Variants in DCAF6 observed in about 807,000 individuals in gnomAD.
The protein encoded by DCAF6 is DDB1 and CUL4 associated factor 6.
DCAF6 carries 54 observed loss-of-function variants against 125.1 expected under a neutral mutation model. The observed-to-expected ratio is 0.43, with a 90% CI of 0.35 to 0.54. The LOEUF (loss-of-function observed/expected upper bound fraction) is 0.54, where lower values mean the gene tolerates loss of function less well. Among genes scored for constraint, DCAF6 ranks in the 20% least tolerant of loss-of-function variants. The pLI is 0.01. For synonymous variants in DCAF6, 371 were observed against 390.4 expected, an observed-to-expected ratio of 0.95 and a Z score of 0.58; for missense variants, 934 against 1,161.7, an observed-to-expected ratio of 0.80 and a Z score of 2.85.
rs1671298149 is a variant in DCAF6 at position 167,936,816 on chromosome 1, G to C, written c.-96G>C. ...GCCCTGGAGGCCCGGCGCGCGGATG[G>C]TGCCGGTGCGGCTCGGGTGTTGAAA... On this transcript the variant is annotated 5_prime_UTR_variant, in exon 1 of 22. Coordinates refer to ENST00000367840, the MANE Select transcript of DCAF6 (RefSeq NM_001198956.2). The C allele has an allele frequency of 8.7e-7, 1 of 1,146,356 alleles. No homozygotes were observed. The highest frequency in any genetic ancestry group is 1.3e-6 in the Non-Finnish European group (1 of 790,438). 71.0% of individuals were successfully genotyped at this position (1,146,356 alleles called of 1,614,324 possible). A position where few individuals can be genotyped will look rare whatever the true frequency, so the allele number is the denominator to read the frequency against.
In DCAF6 at chr1:168,047,262, A is replaced by C. The variant is rs528454411; in HGVS notation, c.2258+2035A>C. Among the ~76,000 whole-genome samples, 3 of 152,192 alleles carry C rather than the reference A, an allele frequency of 2.0e-5. No homozygotes were observed. In the South Asian group the frequency reaches 6.2e-4, roughly 32 times the overall value. On this transcript the variant is annotated intron_variant, in intron 16 of 21. Coordinates refer to ENST00000367840, the MANE Select transcript of DCAF6 (RefSeq NM_001198956.2). Reference sequence around the variant, plus strand: ...CTTTTAGCATTTAGATCTGTCACAAAGTTGGTTCCCAATAGCCTCATTGAC... The same window carrying C: ...CTTTTAGCATTTAGATCTGTCACAACGTTGGTTCCCAATAGCCTCATTGAC...
At chr1:167,970,613 G>A (rs188787597) in intron 3 of DCAF6, among the ~76,000 whole-genome samples, 34 of 149,930 alleles carry the variant, frequency 2.3e-4, no homozygotes, top group Admixed American at 2.2e-3. Flanking sequence ...ATGACAGCAA[G>A]AGCTGATATC....
chr1:168,050,882 C>T lies in DCAF6; in HGVS notation c.2259-10C>T. 1 of 1,344,190 alleles carries T rather than the reference C, an allele frequency of 7.4e-7. No homozygotes were observed. Among genetic ancestry groups the T allele is most frequent in the Non-Finnish European group, 9.8e-7 (1 of 1,018,822 alleles). The allele number at this position is 1,344,190 out of a possible 1,614,324, so 83.3% of individuals were successfully genotyped here. ...GTAAGTGATTTCAGTTATTGTGTTC[C>T]CTTCACTAGATTTAATATCAGAGGA... is the stretch of plus-strand genomic sequence containing the variant. On this transcript the variant is annotated splice_polypyrimidine_tract_variant and intron_variant, in intron 16 of 21. Transcript: ENST00000367840.
At chr1:168,032,602 CCTTA>C (rs1423009212) in intron 12 of DCAF6, among the ~76,000 whole-genome samples, 8 of 152,180 alleles carry the variant, frequency 5.3e-5, no homozygotes, top group Middle Eastern at 3.4e-3. Flanking sequence ...TTTATTTCGA[CCTTA>C]CTTTGGTTTT....
chr1:167,964,767 A>T (rs904478717), intron 2 of DCAF6, among the ~76,000 whole-genome samples: 1 of 151,806 alleles, frequency 6.6e-6, no homozygotes, highest in Admixed American at 6.6e-5. Context: ...TCAGTTTTGT[A>T]CGTTTTTATT....
At chr1:167,934,690 A>T (rs1671017735), upstream of DCAF6, among the ~76,000 whole-genome samples, 1 of 152,204 alleles carries the variant, frequency 6.6e-6, no homozygotes, top group South Asian at 2.1e-4. Flanking sequence ...TTTCCTAATG[A>T]TACCAACTAC....
chr1:167,877,617 A>G, the DCAF6 span, among the ~76,000 whole-genome samples: 1 of 152,218 alleles, frequency 6.6e-6, no homozygotes, highest in African/African-American at 2.4e-5. Context: ...ACAGTGTAAC[A>G]AGTGAAAACT....
chr1:167,904,153 T>C, the DCAF6 span, among the ~76,000 whole-genome samples: 1 of 149,104 alleles, frequency 6.7e-6, no homozygotes, highest in East Asian at 2.0e-4. Context: ...AATGGTGTGA[T>C]CTCAGCTCAC....
intron 18 of DCAF6, chr1:168,063,996 A>G (rs1303122342): frequency 3.2e-6 from 1 of 315,038 alleles, no homozygotes; most frequent in African/African-American, 2.2e-5. Context: ...TTTAGTTTAT[A>G]CAAGTAATCA....
chr1:168,065,563 T>C (rs1166002416), intron 18 of DCAF6, 27 bp from the exon 19 acceptor site: 1 of 1,464,530 alleles, frequency 6.8e-7, no homozygotes, highest in Non-Finnish European at 9.2e-7. Flanking sequence ...TGATTTGAAT[T>C]TTTAAATAAT....
the DCAF6 span, among the ~76,000 whole-genome samples, chr1:167,897,915 A>G: frequency 1 from 3,142 of 3,142 alleles, 1,571 homozygotes; most frequent in Non-Finnish European, 1. Flanking sequence ...GGAATGGCGT[A>G]AACCCGGGAG....
intron 1 of DCAF6, among the ~76,000 whole-genome samples, chr1:167,943,794 G>C (rs1178819735): frequency 1.3e-5 from 2 of 152,116 alleles, no homozygotes; most frequent in East Asian, 3.9e-4. Flanking sequence ...TTTAACCTAA[G>C]ATAATGACCT....
chr1:167,959,170 C>T (rs1557892578), intron 2 of DCAF6, among the ~76,000 whole-genome samples: 1 of 152,208 alleles, frequency 6.6e-6, no homozygotes, highest in East Asian at 1.9e-4. Flanking sequence ...TTTCACTTAG[C>T]AATATACATT....
the DCAF6 span, chr1:167,875,326 C>G: frequency 1.2e-6 from 1 of 812,878 alleles, no homozygotes; most frequent in Admixed American, 2.0e-5. Context: ...GGGTCGCAAA[C>G]GCCAAAAGAA....
intron 4 of DCAF6, among the ~76,000 whole-genome samples, chr1:167,981,944 TC>T (rs1679228679): frequency 6.6e-6 from 1 of 152,362 alleles, no homozygotes. Context: ...TTGAGAAATC[TC>T]CAAATTGTTT....
At chr1:168,040,074 G>A (rs1169798974) in intron 13 of DCAF6, among the ~76,000 whole-genome samples, 2 of 151,994 alleles carry the variant, frequency 1.3e-5, no homozygotes, top group Admixed American at 6.6e-5. Flanking sequence ...GAGGAAAATA[G>A]AGCAGGTAAA....
chr1:167,878,343 CT>C, the DCAF6 span: 1 of 1,361,180 alleles, frequency 7.3e-7, no homozygotes, highest in Non-Finnish European at 1.0e-6. Context: ...TAGATTTCAA[CT>C]TTTTGAACTG....
At chr1:167,901,430 T>C in the DCAF6 span, among the ~76,000 whole-genome samples, 1 of 152,216 alleles carries the variant, frequency 6.6e-6, no homozygotes, top group Non-Finnish European at 1.5e-5. Flanking sequence ...CCATACCAAC[T>C]AATTTACTTT....
At chr1:167,948,771 C>G (rs1053558565) in intron 1 of DCAF6, among the ~76,000 whole-genome samples, 2 of 152,166 alleles carry the variant, frequency 1.3e-5, no homozygotes, top group Non-Finnish European at 2.9e-5. Flanking sequence ...CCTACCTCAG[C>G]CTCCCGAGTA....
Sources: gnomAD v4.1 joint callset for allele counts (sites outside exome capture counted in the v4.1 genomes callset) on GRCh38, gnomAD v4.1.1 for gene constraint, MANE v1.5 for transcripts, NCBI Gene and HGNC (gene_info 2026-07-23, HGNC 2026-07-21) for gene names.